Variants in LIPH observed in about 807,000 individuals in gnomAD.
The protein encoded by LIPH is lipase H, also known as lipase member H.
Under a neutral mutation model 47.6 loss-of-function variants are expected in LIPH, and 32 were observed. The observed-to-expected ratio is 0.67, with a 90% CI of 0.51 to 0.90. LIPH has a LOEUF of 0.90. Ranked by LOEUF, LIPH falls within the 40% of genes least tolerant of loss-of-function variation. LIPH has a pLI of 0.00. For synonymous variants in LIPH, 190 were observed against 195.6 expected (o/e 0.97, Z 0.24); for missense variants, 497 against 541.4 (o/e 0.92, Z 0.81).
At chr3:185,537,518 G>T (rs1720538930) in intron 1 of LIPH, among the ~76,000 whole-genome samples, 1 of 152,054 alleles carries the variant, frequency 6.6e-6, no homozygotes, top group Non-Finnish European at 1.5e-5. Flanking sequence ...TTGCCCAGTT[G>T]TTTGTAGAGC....
chr3:185,529,367 A>G (rs540801077), intron 3 of LIPH, among the ~76,000 whole-genome samples: 61 of 150,228 alleles, frequency 4.1e-4, no homozygotes, highest in African/African-American at 1.4e-3. Flanking sequence ...TACATATAAA[A>G]TGCAAGAGTG....
intron 5 of LIPH, 69 bp downstream of exon 5, chr3:185,524,002 A>G (rs1719986427): frequency 9.3e-7 from 1 of 1,078,808 alleles, no homozygotes; most frequent in Non-Finnish European, 1.4e-6. Context: ...GATTACAGGC[A>G]TGAGCCACCA....
chr3:185,530,231 A>C (rs1020850737), intron 3 of LIPH, among the ~76,000 whole-genome samples: 4 of 151,896 alleles, frequency 2.6e-5, no homozygotes, highest in African/African-American at 9.7e-5. Context: ...GTAATCCCAG[A>C]ACTTTGGGAG....
chr3:185,527,593 GA>G lies in LIPH; in HGVS notation c.527-9del. On this transcript the variant is annotated splice_polypyrimidine_tract_variant and intron_variant, in intron 3 of 9. Transcript: ENST00000296252. ...GGCCTGCAGGGTCGAGGCCTGGAAG[GA>G]AAACAGAGTCACTTGGCAGCCCCAC... The G allele has an allele frequency of 1.9e-6, 3 of 1,583,272 alleles. No homozygotes were observed. Among genetic ancestry groups the G allele is most frequent in the Non-Finnish European group, 2.6e-6 (3 of 1,153,698 alleles).
At chr3:185,530,409 C>T (rs942879973) in intron 3 of LIPH, among the ~76,000 whole-genome samples, 1 of 151,822 alleles carries the variant, frequency 6.6e-6, no homozygotes. Context: ...ACCTAGGAGG[C>T]GGAGGTTGCA....
intron 5 of LIPH, among the ~76,000 whole-genome samples, chr3:185,520,662 CATTT>C (rs1384034245): frequency 6.6e-6 from 1 of 152,096 alleles, no homozygotes; most frequent in Non-Finnish European, 1.5e-5. Flanking sequence ...TCCCCTGCCA[CATTT>C]ATTATGGGAA....
At chr3:185,526,703 AAAAT>A (rs1288572737) in intron 4 of LIPH, among the ~76,000 whole-genome samples, 2 of 144,048 alleles carry the variant, frequency 1.4e-5, no homozygotes, top group African/African-American at 5.2e-5. Flanking sequence ...TAAATAAAAT[AAAAT>A]AAATAAAATA....
At position 185,534,800 on chromosome 3, in the gene LIPH, C is replaced by A; in HGVS notation, c.382G>T (p.Ala128Ser). ...TCAATAAATTCCTTCAAGACCATGG[C>A]TACTTTTCTGGTCTTACTAGAGGCA... ...THASSKTRKV[A>S]MVLKEFIDQM... The change falls in exon 2 of 10, where the codon GCC (alanine) becomes TCC (serine). Residue 128 changes from alanine to serine, a missense_variant. Physicochemically the swap from Ala to Ser is moderately conservative, Grantham distance 99. Transcript: ENST00000296252. The A allele has an allele frequency of 6.2e-7, 1 of 1,613,676 alleles. No individual in the cohort carries two copies.
intron 1 of LIPH, among the ~76,000 whole-genome samples, chr3:185,545,927 A>G (rs908351960): frequency 6.6e-6 from 1 of 151,802 alleles, no homozygotes; most frequent in Admixed American, 6.6e-5. Context: ...AGGCTGACGC[A>G]GGCAGATCAC....
chr3:185,519,137 C>T lies in LIPH; in HGVS notation c.886+5G>A, dbSNP rs1223837516. ...ATCAGAGAGGAAACTGCTGGTTAGACTTACCCAGAAGGGGACAGGACTCTT... is the reference window on the plus strand; with the variant it reads ...ATCAGAGAGGAAACTGCTGGTTAGATTTACCCAGAAGGGGACAGGACTCTT... On this transcript the variant is annotated splice_donor_5th_base_variant and intron_variant, in intron 6 of 9. Transcript: ENST00000296252. The T allele has an allele frequency of 1.2e-6, 2 of 1,613,150 alleles. No homozygotes were observed.
At chr3:185,546,920 G>C (rs1314615648) in intron 1 of LIPH, 2 of 453,096 alleles carry the variant, frequency 4.4e-6, no homozygotes, top group African/African-American at 2.0e-5. Context: ...TTTCTGACTG[G>C]AGAAAACCCT....
chr3:185,534,957 G>C lies in LIPH; in HGVS notation c.225C>G (p.Val75=). 1 of 1,613,922 alleles carries C rather than the reference G, an allele frequency of 6.2e-7. No individual in the cohort carries two copies. The highest frequency in any genetic ancestry group is 8.5e-7 in the Non-Finnish European group (1 of 1,179,892). The change falls in exon 2 of 10, where the codon GTC becomes GTG. Residue 75 remains valine (V), a synonymous_variant. Coordinates refer to ENST00000296252, the MANE Select transcript of LIPH (RefSeq NM_139248.3). ...LNVTKKTTFI[V]HGFRPTGSPP... ...GGGAGCCTGTTGGCCTGAATCCATG[G>C]ACAATGAAGGTGGTTTTCTTGGTCA... is the stretch of plus-strand genomic sequence containing the variant.
At chr3:185,512,958 C>G (rs2148946938) in intron 8 of LIPH, among the ~76,000 whole-genome samples, 1 of 152,226 alleles carries the variant, frequency 6.6e-6, no homozygotes, top group Admixed American at 6.5e-5. Context: ...AACCAGAGCT[C>G]CCTGGAGAAA....
intron 4 of LIPH, among the ~76,000 whole-genome samples, chr3:185,526,869 C>T (rs1158144548): frequency 2.0e-5 from 3 of 152,020 alleles, no homozygotes; most frequent in Non-Finnish European, 4.4e-5. Flanking sequence ...ATCATGCATG[C>T]AAACCCAGTT....
rs1485390614 is a variant in LIPH, at chr3:185,507,664, A to G, written c.*1126T>C. The G allele has an allele frequency of 1.3e-5, 2 of 152,224 alleles. No individual in the cohort carries two copies. The highest frequency in any genetic ancestry group is 1.3e-4 in the Admixed American group (2 of 15,284). The allele number at this position is 152,224 out of a possible 1,614,324, so 9.4% of individuals were successfully genotyped here. On this transcript the variant is annotated 3_prime_UTR_variant, in exon 10 of 10. Coordinates refer to ENST00000296252, the MANE Select transcript of LIPH (RefSeq NM_139248.3). ...CTCCAGGGAAGCAAAGGATTCCTCA[A>G]ACTGGAGTCTTCAGATTCTCCAAAA...
At chr3:185,540,996 C>T (rs989167533) in intron 1 of LIPH, among the ~76,000 whole-genome samples, 27 of 152,156 alleles carry the variant, frequency 1.8e-4, no homozygotes, top group African/African-American at 6.0e-4. Flanking sequence ...CTTGTCCTGG[C>T]GTTAGTGCCT....
chr3:185,509,946 CTTTT>C (rs66966684), intron 9 of LIPH, among the ~76,000 whole-genome samples: 9 of 118,424 alleles, frequency 7.6e-5, no homozygotes, highest in Non-Finnish European at 1.2e-4. Context: ...TTTTTGTTTT[CTTTT>C]TTTTTTTTTT....
intron 1 of LIPH, among the ~76,000 whole-genome samples, chr3:185,541,802 G>A (rs996187605): frequency 2.6e-5 from 4 of 151,226 alleles, no homozygotes; most frequent in African/African-American, 9.7e-5. Context: ...TGTCAACCAG[G>A]CTGGAGCGCA....
rs1354072122 is a variant in LIPH, at chr3:185,527,688, C to T, written c.527-103G>A. 3 of 765,766 alleles carry T rather than the reference C, an allele frequency of 3.9e-6. No individual in the cohort carries two copies. In the African/African-American group the frequency reaches 5.4e-5, roughly 14 times the overall value. 47.4% of individuals were successfully genotyped at this position (765,766 alleles called of 1,614,324 possible). ...GGGTGGCTCCCAGGCTGCAGGGCACCCTCAGGTGGGTGAGCGCTCACACTC... is the reference window on the plus strand; with the variant it reads ...GGGTGGCTCCCAGGCTGCAGGGCACTCTCAGGTGGGTGAGCGCTCACACTC... On this transcript the variant is annotated intron_variant, in intron 3 of 9. Transcript: ENST00000296252.
Sources: gnomAD v4.1 joint callset for allele counts (sites outside exome capture counted in the v4.1 genomes callset) on GRCh38, gnomAD v4.1.1 for gene constraint, MANE v1.5 for transcripts, NCBI Gene and HGNC (gene_info 2026-07-23, HGNC 2026-07-21) for gene names.